DCC: variants seen among roughly 807,000 people sequenced by gnomAD.
The protein encoded by DCC is netrin receptor DCC.
Under a neutral mutation model 172.5 loss-of-function variants are expected in DCC, and 58 were observed. The ratio of observed to expected loss-of-function variants is 0.34; its 90% CI spans 0.27 to 0.42. The LOEUF (loss-of-function observed/expected upper bound fraction) is 0.42, where lower values mean the gene tolerates loss of function less well. DCC is among the 10% of genes least tolerant of loss of function. DCC has a pLI of 1.00. For missense variants in DCC, 1,740 were observed against 1,791.0 expected, an observed-to-expected ratio of 0.97 and a Z score of 0.51; for synonymous variants, 709 against 644.5, an observed-to-expected ratio of 1.10 and a Z score of -1.52.
intron 12 of DCC, among the ~76,000 whole-genome samples, chr18:53,260,329 T>C (rs1390245126): frequency 6.6e-6 from 1 of 152,178 alleles, no homozygotes; most frequent in Non-Finnish European, 1.5e-5. Context: ...CCTGTCTTTG[T>C]GGTTTTATCT....
rs890700422 is a variant in DCC, at chr18:52,451,355, TG to T, written c.91+110479del. Among the ~76,000 whole-genome samples the T allele has an allele frequency of 5.3e-5, 8 of 152,276 alleles. No individual in the cohort carries two copies. In the East Asian group the frequency reaches 1.5e-3, roughly 29 times the overall value. On this transcript the variant is annotated intron_variant, in intron 1 of 28. Coordinates refer to ENST00000442544, the MANE Select transcript of DCC (RefSeq NM_005215.4). ...AAGCTGTTAGAGTCAAACAGATTTA[TG>T]GTAATGGGAGAGATTGCACAACCAC...
chr18:53,191,351 G>A (rs981723458), intron 9 of DCC, among the ~76,000 whole-genome samples: 1 of 152,074 alleles, frequency 6.6e-6, no homozygotes, highest in Non-Finnish European at 1.5e-5. Flanking sequence ...ATGCCACAGA[G>A]TGTTTAAATT....
intron 1 of DCC, among the ~76,000 whole-genome samples, chr18:52,736,443 A>C (rs1466693342): frequency 3.3e-5 from 5 of 152,046 alleles, no homozygotes. Flanking sequence ...GCTGTATATA[A>C]GTGACTTTGA....
At chr18:52,583,808 A>C (rs909517766) in intron 1 of DCC, among the ~76,000 whole-genome samples, 2 of 152,238 alleles carry the variant, frequency 1.3e-5, no homozygotes, top group Non-Finnish European at 2.9e-5. Context: ...TTTGGAAAAA[A>C]TGTTTTTAAT....
intron 9 of DCC, among the ~76,000 whole-genome samples, chr18:53,195,405 A>T (rs145859686): frequency 2.6e-5 from 4 of 152,276 alleles, no homozygotes; most frequent in African/African-American, 9.6e-5. Context: ...TTTTTCTGAG[A>T]TTGGCAAAAC....
chr18:52,422,103 A>G (rs1422516745), intron 1 of DCC, among the ~76,000 whole-genome samples: 1 of 152,190 alleles, frequency 6.6e-6, no homozygotes, highest in Non-Finnish European at 1.5e-5. Context: ...TAAAATATTT[A>G]TTGCTTTAAT....
chr18:52,846,206 A>G (rs2038886207), intron 2 of DCC, among the ~76,000 whole-genome samples: 1 of 152,154 alleles, frequency 6.6e-6, no homozygotes, highest in Non-Finnish European at 1.5e-5. Flanking sequence ...CTACAGTACT[A>G]TGAAAGGGAA....
intron 2 of DCC, among the ~76,000 whole-genome samples, chr18:52,901,425 C>T (rs112878207): frequency 0.012 from 1,751 of 151,614 alleles, 23 homozygotes; most frequent in African/African-American, 0.038. Context: ...GTATAAGACT[C>T]GGGCTCAAAA....
chr18:53,145,950 T>C (rs1264760453), intron 7 of DCC, among the ~76,000 whole-genome samples: 3 of 152,174 alleles, frequency 2.0e-5, no homozygotes, highest in African/African-American at 7.2e-5. Flanking sequence ...TACCACAGAC[T>C]GGGCCAGGCA....
chr18:52,466,867 A>G (rs1988798981), intron 1 of DCC, among the ~76,000 whole-genome samples: 1 of 152,122 alleles, frequency 6.6e-6, no homozygotes, highest in South Asian at 2.1e-4. Context: ...TACAACTGCT[A>G]TAATTTGCCT....
intron 12 of DCC, among the ~76,000 whole-genome samples, chr18:53,250,024 A>G (rs893690475): frequency 1.3e-5 from 2 of 152,000 alleles, no homozygotes; most frequent in African/African-American, 4.8e-5. Flanking sequence ...CTCTTCGTGA[A>G]GATCTGAAGT....
At chr18:53,025,426 AG>A (rs1401885762) in intron 5 of DCC, among the ~76,000 whole-genome samples, 1 of 152,132 alleles carries the variant, frequency 6.6e-6, no homozygotes, top group Non-Finnish European at 1.5e-5. Context: ...TGTTTGCCTT[AG>A]GGTTTGTACC....
intron 3 of DCC, among the ~76,000 whole-genome samples, chr18:52,922,762 G>A (rs1257453229): frequency 6.6e-6 from 1 of 152,218 alleles, no homozygotes; most frequent in Non-Finnish European, 1.5e-5. Context: ...GACTGGTTTT[G>A]GTGTGTCCCC....
chr18:52,710,006 C>G (rs986903006), intron 1 of DCC, among the ~76,000 whole-genome samples: 6 of 152,116 alleles, frequency 3.9e-5, no homozygotes, highest in African/African-American at 1.4e-4. Flanking sequence ...GGTGGGATTG[C>G]CCATCAGCCA....
chr18:53,510,546 G>T (rs2046238153), intron 27 of DCC, among the ~76,000 whole-genome samples: 1 of 152,186 alleles, frequency 6.6e-6, no homozygotes, highest in South Asian at 2.1e-4. Context: ...CTAAAGAGGA[G>T]TTGAGAGAAA....
intron 2 of DCC, among the ~76,000 whole-genome samples, chr18:52,803,041 G>A (rs747676641): frequency 1.3e-5 from 2 of 152,124 alleles, no homozygotes; most frequent in African/African-American, 4.8e-5. Flanking sequence ...TGAATAATCT[G>A]TCTGAAGTGG....
At chr18:53,228,580 A>T (rs1172271819) in intron 12 of DCC, among the ~76,000 whole-genome samples, 1 of 152,040 alleles carries the variant, frequency 6.6e-6, no homozygotes, top group Non-Finnish European at 1.5e-5. Context: ...TTCCATGGGG[A>T]ATTAACTTCT....
At chr18:53,025,551 T>A (rs188044274) in intron 5 of DCC, among the ~76,000 whole-genome samples, 103 of 152,248 alleles carry the variant, frequency 6.8e-4, no homozygotes, top group African/African-American at 2.5e-3. Context: ...CTCCCAACAG[T>A]AGTTTAATGC....
chr18:52,749,128 G>T (rs2036955609), intron 1 of DCC, among the ~76,000 whole-genome samples: 1 of 152,048 alleles, frequency 6.6e-6, no homozygotes, highest in Admixed American at 6.6e-5. Flanking sequence ...TGAGGCGGAG[G>T]TTGCAGTGAG....
Sources: allele counts gnomAD v4.1 joint callset (sites outside exome capture counted in the v4.1 genomes callset), GRCh38; gene constraint gnomAD v4.1.1; transcripts MANE v1.5; gene names NCBI Gene and HGNC (gene_info 2026-07-23, HGNC 2026-07-21).